TTC34: variants seen among roughly 807,000 people sequenced by gnomAD.
The protein encoded by TTC34 is tetratricopeptide repeat domain 34.
A neutral mutation model predicts 40.7 loss-of-function variants in TTC34; 44 were observed. That is an observed-to-expected ratio of 1.08 (90% confidence interval 0.85 to 1.39). The LOEUF (loss-of-function observed/expected upper bound fraction) is 1.39. Among genes scored for constraint, TTC34 ranks in the 40% most tolerant of loss-of-function variants. TTC34 has a pLI of 0.00. For synonymous variants in TTC34, 422 were observed against 398.6 expected, an observed-to-expected ratio of 1.06 and a Z score of -0.70; for missense variants, 884 against 838.0, an observed-to-expected ratio of 1.05 and a Z score of -0.68.
At chr1:2,755,508 G>A (rs1641474293) in intron 6 of TTC34, among the ~76,000 whole-genome samples, 4 of 93,572 alleles carry the variant, frequency 4.3e-5, no homozygotes, top group Admixed American at 3.1e-4. Context: ...CACACCCACA[G>A]GTGAGCATCT....
chr1:2,798,875 A>C (rs181447027), intron 2 of TTC34, among the ~76,000 whole-genome samples: 649 of 9,132 alleles, frequency 0.071, 3 homozygotes, highest in Middle Eastern at 0.083. Context: ...CTCAGCCTCC[A>C]AGCCTCCCAG....
chr1:2,759,891 G>GAATCTGA (rs1641637700), intron 6 of TTC34, among the ~76,000 whole-genome samples: 1 of 145,288 alleles, frequency 6.9e-6, no homozygotes, highest in Non-Finnish European at 1.5e-5. Flanking sequence ...CCTCAGGTGA[G>GAATCTGA]CATCTGACAG....
At chr1:2,646,815 A>C (rs1408956383) in intron 6 of TTC34, among the ~76,000 whole-genome samples, 1 of 152,180 alleles carries the variant, frequency 6.6e-6, no homozygotes, top group African/African-American at 2.4e-5. Context: ...CTTCAATTTC[A>C]CCACCTTCCC....
intron 3 of TTC34, among the ~76,000 whole-genome samples, chr1:2,788,020 C>T (rs566377352): frequency 2.6e-5 from 4 of 152,228 alleles, no homozygotes; most frequent in African/African-American, 7.2e-5. Flanking sequence ...AACAATTTGG[C>T]CTTGCTGGGC....
At chr1:2,793,998 T>C (rs970075569) in intron 2 of TTC34, among the ~76,000 whole-genome samples, 4 of 150,100 alleles carry the variant, frequency 2.7e-5, no homozygotes, top group Admixed American at 2.0e-4. Flanking sequence ...TCCATTTATA[T>C]AGATATTCTT....
chr1:2,773,019 C>G (rs1642521069), intron 6 of TTC34, among the ~76,000 whole-genome samples: 2 of 151,174 alleles, frequency 1.3e-5, no homozygotes, highest in African/African-American at 4.9e-5. Flanking sequence ...CACCCACACC[C>G]CCAGGCGAGC....
In TTC34 at chr1:2,688,329, C is replaced by G. The variant is rs79657442; in HGVS notation, c.2227-42766G>C. Among the ~76,000 whole-genome samples the G allele has an allele frequency of 2.0e-5, 3 of 150,326 alleles. No homozygotes were observed. In the South Asian group the frequency reaches 6.3e-4, roughly 32 times the overall value. On this transcript the variant is annotated intron_variant, in intron 6 of 8. Coordinates refer to ENST00000401095, the Ensembl canonical transcript of TTC34. ...TGACAGCCTGGAGCAGAACCCCACA[C>G]CCCCAGGTGAGCATCGGACAGCCTG...
chr1:2,685,829 G>C (rs1640311616), intron 6 of TTC34, among the ~76,000 whole-genome samples: 2 of 146,926 alleles, frequency 1.4e-5, no homozygotes, highest in Admixed American at 6.8e-5. Context: ...GACTGGAACG[G>C]CACCCCCATG....
intron 6 of TTC34, among the ~76,000 whole-genome samples, chr1:2,777,284 AC>A (rs1208685897): frequency 1.8e-5 from 2 of 111,414 alleles, no homozygotes; most frequent in Non-Finnish European, 3.6e-5. Context: ...CTGGAGCAGC[AC>A]CCCACACCTC....
At chr1:2,683,867 C>A (rs1377896147) in intron 6 of TTC34, among the ~76,000 whole-genome samples, 1 of 151,378 alleles carries the variant, frequency 6.6e-6, no homozygotes, top group Non-Finnish European at 1.5e-5. Flanking sequence ...TGGAGCAGAA[C>A]CCACACCCCG....
chr1:2,650,140 G>A lies in TTC34; in HGVS notation c.2227-4577C>T, dbSNP rs571432873. On this transcript the variant is annotated intron_variant, in intron 6 of 8. Coordinates refer to ENST00000401095, the Ensembl canonical transcript of TTC34. ...CTGGAATGGTACTCTACACCCTCAG[G>A]TGAGCTTCTGACAGCCTGGAATGGC... Among the ~76,000 whole-genome samples the A allele has an allele frequency of 2.8e-3, 422 of 150,244 alleles. 2 individuals carry two copies. Among genetic ancestry groups the A allele is most frequent in the Middle Eastern group, 7.0e-3 (2 of 286 alleles).
At chr1:2,800,266 G>A (rs1354757361) in exon 2 of TTC34, 2 of 398,606 alleles carry the variant, frequency 5.0e-6, no homozygotes, top group Non-Finnish European at 8.8e-6. Flanking sequence ...AGGGCACTGA[G>A]CAGCGCGGGG....
chr1:2,683,343 A>G (rs866934833), intron 6 of TTC34, among the ~76,000 whole-genome samples: 1 of 140,854 alleles, frequency 7.1e-6, no homozygotes, highest in African/African-American at 2.7e-5. Context: ...CTGGAACACC[A>G]CCCTGCACCC....
At chr1:2,783,473 G>A in intron 6 of TTC34, 136 bp downstream of exon 6, 1 of 916,790 alleles carries the variant, frequency 1.1e-6, no homozygotes, top group Non-Finnish European at 1.5e-6. Flanking sequence ...GGTGGGGATG[G>A]GAACATGGGT....
chr1:2,654,142 A>G (rs991491880), intron 6 of TTC34, among the ~76,000 whole-genome samples: 109 of 149,398 alleles, frequency 7.3e-4, no homozygotes, highest in East Asian at 2.0e-3. Flanking sequence ...CCAGGCGAGC[A>G]TCTGAACGCA....
chr1:2,756,648 C>G (rs1641515490), intron 6 of TTC34, among the ~76,000 whole-genome samples: 69 of 147,766 alleles, frequency 4.7e-4, no homozygotes, highest in South Asian at 8.7e-4. Flanking sequence ...CATCTGACAG[C>G]CTGGAACAGC....
intron 6 of TTC34, among the ~76,000 whole-genome samples, chr1:2,666,249 AC>A: frequency 2.2e-5 from 1 of 44,880 alleles, no homozygotes; most frequent in Non-Finnish European, 4.9e-5. Context: ...AGCACCCTGC[AC>A]CCCCAGGTGC....
chr1:2,685,800 C>A (rs561894066), intron 6 of TTC34, among the ~76,000 whole-genome samples: 79 of 90,994 alleles, frequency 8.7e-4, no homozygotes, highest in Non-Finnish European at 1.4e-3. Flanking sequence ...AACCCACACC[C>A]CCAGGTGAGC....
chr1:2,691,761 A>C (rs990258150), intron 6 of TTC34, among the ~76,000 whole-genome samples: 1 of 97,216 alleles, frequency 1.0e-5, no homozygotes, highest in African/African-American at 3.4e-5. Flanking sequence ...CAAGCATCTG[A>C]ACGCAAATAG....
Sources: allele counts gnomAD v4.1 joint callset (sites outside exome capture counted in the v4.1 genomes callset), GRCh38; gene constraint gnomAD v4.1.1; transcripts MANE v1.5; gene names NCBI Gene and HGNC (gene_info 2026-07-23, HGNC 2026-07-21).